The following ZNF254 variants were observed in gnomAD, a reference collection of about 807,000 sequenced individuals.
ZNF254 encodes CTD-2017D11.1.
Under a neutral mutation model 12.4 loss-of-function variants are expected in ZNF254, and 10 were observed. The ratio of observed to expected loss-of-function variants is 0.80; its 90% CI spans 0.50 to 1.36. The LOEUF is 1.36. Ranked by LOEUF, ZNF254 falls within the 40% of genes most tolerant of loss-of-function variation. The pLI is 0.00. For synonymous variants in ZNF254, 305 were observed against 253.4 expected (o/e 1.20, Z -1.93); for missense variants, 996 against 763.9 (o/e 1.30, Z -3.58).
chr19:24,051,056 C>T (rs1438148171), intron 2 of ZNF254, among the ~76,000 whole-genome samples: 2 of 152,116 alleles, frequency 1.3e-5, no homozygotes, highest in Non-Finnish European at 2.9e-5. Context: ...GATTTTGACA[C>T]ATAGCTGGGG....
chr19:24,045,489 G>A (rs1157582170), intron 1 of ZNF254, among the ~76,000 whole-genome samples: 1 of 151,900 alleles, frequency 6.6e-6, no homozygotes, highest in Non-Finnish European at 1.5e-5. Flanking sequence ...CTAACATGGT[G>A]AAACCCCGTC....
chr19:24,070,204 T>G (rs752000117), intron 2 of ZNF254, among the ~76,000 whole-genome samples: 1 of 152,188 alleles, frequency 6.6e-6, no homozygotes, highest in Non-Finnish European at 1.5e-5. Flanking sequence ...GCATGTACTA[T>G]CAAGGGTCCA....
At chr19:24,056,435 C>G (rs980956594) in intron 2 of ZNF254, among the ~76,000 whole-genome samples, 3 of 152,150 alleles carry the variant, frequency 2.0e-5, no homozygotes, top group African/African-American at 7.2e-5. Flanking sequence ...GGTTCTTCTT[C>G]CATCATAAGT....
intron 1 of ZNF254, among the ~76,000 whole-genome samples, chr19:24,102,201 C>T (rs1204153116): frequency 6.6e-6 from 1 of 150,616 alleles, no homozygotes; most frequent in Non-Finnish European, 1.5e-5. Flanking sequence ...GATGTCTATA[C>T]CTGAACATAT....
At chr19:24,055,775 G>A (rs987642688) in intron 2 of ZNF254, among the ~76,000 whole-genome samples, 2 of 152,170 alleles carry the variant, frequency 1.3e-5, no homozygotes, top group Non-Finnish European at 2.9e-5. Context: ...ATGAGGCTGT[G>A]ACTTCACTAA....
At chr19:24,092,271 A>G (rs1972435746) in intron 1 of ZNF254, among the ~76,000 whole-genome samples, 2 of 151,392 alleles carry the variant, frequency 1.3e-5, no homozygotes. Context: ...GGTTCAAGCA[A>G]TTCTCCTGCT....
At chr19:24,122,572 T>G (rs896183283) in intron 3 of ZNF254, among the ~76,000 whole-genome samples, 11 of 152,170 alleles carry the variant, frequency 7.2e-5, no homozygotes, top group Non-Finnish European at 1.5e-4. Flanking sequence ...GTCTGTTCTT[T>G]GTTTCTAAGA....
intron 2 of ZNF254, among the ~76,000 whole-genome samples, chr19:24,060,603 C>T (rs1007043984): frequency 3.9e-5 from 6 of 152,018 alleles, no homozygotes; most frequent in South Asian, 4.1e-4. Context: ...ATGACTCTCC[C>T]GCCTGGTCCA....
In ZNF254 at chr19:24,127,606, CAT is replaced by C; in HGVS notation, c.1608_1609del (p.His536GlnfsTer6). 3 of 1,608,178 alleles carry C rather than the reference CAT, an allele frequency of 1.9e-6. No homozygotes were observed. Among genetic ancestry groups the C allele is most frequent in the East Asian group, 2.3e-5 (1 of 44,252 alleles). Reference sequence around the variant, plus strand: ...TAACTGGTCCTCAACTCTTACTAAACATAAGATAATTCATACTGAAGAGAAAC... The same window carrying C: ...TAACTGGTCCTCAACTCTTACTAAACAAGATAATTCATACTGAAGAGAAAC... Reference protein sequence around the residue: ...AFNWSSTLTKHKIIHTEEKPY... With the variant: ...AFNWSSTLTKXKIIHTEEKPY... On this transcript the variant is annotated frameshift_variant, in exon 4 of 4. Transcript: ENST00000357002. LOFTEE classifies it low-confidence loss of function (END_TRUNC).
rs1240422832 is a variant in ZNF254 at position 24,128,957 on chromosome 19, C to T, written c.*977C>T. 6.6e-6 allele frequency: 1 copy of T among 151,824 alleles called. No individual in the cohort carries two copies. Among genetic ancestry groups the T allele is most frequent in the Non-Finnish European group, 1.5e-5 (1 of 67,896 alleles). The allele number at this position is 151,824 out of a possible 1,614,324, so 9.4% of individuals were successfully genotyped here. On this transcript the variant is annotated 3_prime_UTR_variant, in exon 4 of 4. Coordinates refer to ENST00000357002, the MANE Select transcript of ZNF254 (RefSeq NM_203282.4). ...TTCAACTCTTAAATTCATGCTGTTT[C>T]ATCATTGCTGGTGTATTCATATGTG... is the stretch of plus-strand genomic sequence containing the variant.
chr19:24,106,241 T>C lies in ZNF254; in HGVS notation c.157+175T>C, dbSNP rs1599721998. On this transcript the variant is annotated intron_variant, in intron 2 of 3. Transcript: ENST00000357002. ...TTCATCTTGACCTGAACTTTCCACATTCCTGAGCTAATCTGTGTCCTGCAC... is the reference window on the plus strand; with the variant it reads ...TTCATCTTGACCTGAACTTTCCACACTCCTGAGCTAATCTGTGTCCTGCAC... The C allele has an allele frequency of 1.5e-5, 13 of 873,386 alleles. No individual in the cohort carries two copies. In the East Asian group the frequency reaches 4.6e-4, roughly 31 times the overall value. 54.1% of individuals were successfully genotyped at this position (873,386 alleles called of 1,614,324 possible).
intron 1 of ZNF254, among the ~76,000 whole-genome samples, chr19:24,036,848 A>G (rs1332605796): frequency 1.3e-5 from 2 of 152,208 alleles, no homozygotes; most frequent in African/African-American, 2.4e-5. Flanking sequence ...TCCGCCTACT[A>G]ATGAACATAC....
intron 1 of ZNF254, chr19:24,098,468 T>A: frequency 6.6e-6 from 1 of 152,312 alleles, no homozygotes; most frequent in East Asian, 1.9e-4. Flanking sequence ...TCAATATAGA[T>A]TTTGCCTTCA....
chr19:24,059,561 G>C (rs1970993288), intron 2 of ZNF254, among the ~76,000 whole-genome samples: 1 of 152,104 alleles, frequency 6.6e-6, no homozygotes, highest in African/African-American at 2.4e-5. Flanking sequence ...AAGAGAGTTT[G>C]ATATATTGCT....
At position 24,128,195 on chromosome 19, in the gene ZNF254, A is replaced by C. The variant is rs995341677; in HGVS notation, c.*215A>C. 5.3e-5 allele frequency: 26 copies of C among 488,226 alleles called. No homozygotes were observed. Among genetic ancestry groups the C allele is most frequent in the Admixed American group, 1.9e-4 (5 of 26,102 alleles). 30.2% of individuals were successfully genotyped at this position (488,226 alleles called of 1,614,324 possible). A position where few individuals can be genotyped will look rare whatever the true frequency, so the allele number is the denominator to read the frequency against. ...CTTGATTGTAGGTAAGATAATTCAT[A>C]CTGGAGAAAACTACCAGTGTGAACA... On this transcript the variant is annotated 3_prime_UTR_variant, in exon 4 of 4. Transcript: ENST00000357002.
intron 2 of ZNF254, among the ~76,000 whole-genome samples, chr19:24,054,542 A>G (rs1970768181): frequency 6.6e-6 from 1 of 152,234 alleles, no homozygotes. Context: ...ATCCCAGGGC[A>G]CACAGCACAA....
intron 2 of ZNF254, among the ~76,000 whole-genome samples, chr19:24,051,251 G>A (rs953924003): frequency 2.6e-5 from 4 of 152,156 alleles, no homozygotes; most frequent in African/African-American, 9.7e-5. Context: ...TCCGCCTCCT[G>A]GGTTCAAGTG....
At chr19:24,078,527 T>C (rs1971739615) in intron 2 of ZNF254, 1 of 152,230 alleles carries the variant, frequency 6.6e-6, no homozygotes, top group Non-Finnish European at 1.5e-5. Flanking sequence ...TCAGGGCAAC[T>C]TAAATCTGTC....
chr19:24,102,534 A>G (rs921430434), intron 1 of ZNF254, among the ~76,000 whole-genome samples: 1 of 152,222 alleles, frequency 6.6e-6, no homozygotes, highest in East Asian at 1.9e-4. Flanking sequence ...GCCTTATTTA[A>G]GTCTTGCCCT....
Sources: gnomAD v4.1 joint callset for allele counts (sites outside exome capture counted in the v4.1 genomes callset) on GRCh38, gnomAD v4.1.1 for gene constraint, MANE v1.5 for transcripts, NCBI Gene and HGNC (gene_info 2026-07-23, HGNC 2026-07-21) for gene names.